Variants in ARHGEF18 observed in about 807,000 individuals in gnomAD.
ARHGEF18 encodes rho guanine nucleotide exchange factor 18.
Under a neutral mutation model 155.7 loss-of-function variants are expected in ARHGEF18, and 93 were observed. The observed-to-expected ratio is 0.60, with a 90% CI of 0.50 to 0.71. The LOEUF (loss-of-function observed/expected upper bound fraction) is 0.71. Ranked by LOEUF, ARHGEF18 falls within the 30% of genes least tolerant of loss-of-function variation. The probability of loss-of-function intolerance (pLI) is 0.00; values close to 1 mark genes in which losing one functional copy is unlikely to be tolerated. For synonymous variants in ARHGEF18, 742 were observed against 753.1 expected (o/e 0.99, Z 0.24); for missense variants, 1,593 against 1,816.1 (o/e 0.88, Z 2.23).
In ARHGEF18 at chr19:7,470,618, G is replaced by A. The variant is rs956763743; in HGVS notation, c.*320G>A. ...TAGCACCCCATCCGGGTGGCGGGGA[G>A]ATCAACTCCGAGCTGTTTTTCCGAG... is the stretch of plus-strand genomic sequence containing the variant. On this transcript the variant is annotated 3_prime_UTR_variant, in exon 29 of 29. Coordinates refer to ENST00000668164, the MANE Select transcript of ARHGEF18 (RefSeq NM_001367823.1). This position sits in a 1 kb window ranked among gnomAD's most constrained non-coding sequence, Gnocchi z 5.9. The A allele has an allele frequency of 2.5e-6, 1 of 397,466 alleles. No individual in the cohort carries two copies. The highest frequency in any genetic ancestry group is 4.4e-6 in the Non-Finnish European group (1 of 225,874). 24.6% of individuals were successfully genotyped at this position (397,466 alleles called of 1,614,324 possible).
At chr19:7,458,986 T>C (rs1976023460) in intron 19 of ARHGEF18, among the ~76,000 whole-genome samples, 1 of 152,184 alleles carries the variant, frequency 6.6e-6, no homozygotes, top group Non-Finnish European at 1.5e-5. Flanking sequence ...CATCTTGTCC[T>C]TCCTCCTTGG....
In ARHGEF18 at chr19:7,462,723, C is replaced by T. The variant is rs28391013; in HGVS notation, c.2635+389C>T. On this transcript the variant is annotated intron_variant, in intron 21 of 28. Coordinates refer to ENST00000668164, the MANE Select transcript of ARHGEF18 (RefSeq NM_001367823.1). This position sits in a 1 kb window ranked among gnomAD's most constrained non-coding sequence, Gnocchi z 4.4. ...CTGGTGATATCCCCAGAAAAACACA[C>T]GCACACTCCCTCAGTGGGTCCCCAC... Among the ~76,000 whole-genome samples, 2,805 of 152,134 alleles carry T rather than the reference C, an allele frequency of 0.018. 70 individuals carry two copies. Among genetic ancestry groups the T allele is most frequent in the African/African-American group, 0.063 (2,591 of 41,428 alleles).
intron 16 of ARHGEF18, 102 bp from the exon 17 acceptor site, chr19:7,453,365 T>TCCAC: frequency 7.4e-7 from 1 of 1,355,074 alleles, no homozygotes; most frequent in Non-Finnish European, 9.6e-7. Context: ...ACATAGTGTG[T>TCCAC]CCACACACCT....
intron 10 of ARHGEF18, among the ~76,000 whole-genome samples, chr19:7,399,773 CT>C (rs776187441): frequency 2.1e-3 from 288 of 136,008 alleles, no homozygotes; most frequent in Admixed American, 2.5e-3. Flanking sequence ...GCCACCACGC[CT>C]TTTTTTTTTT....
chr19:7,458,801 C>A, intron 19 of ARHGEF18, 111 bp downstream of exon 19: 1 of 1,261,746 alleles, frequency 7.9e-7, no homozygotes, highest in Non-Finnish European at 1.1e-6. Flanking sequence ...CTCATCCCAG[C>A]TTGGGACCCA....
intron 2 of ARHGEF18, among the ~76,000 whole-genome samples, chr19:7,365,100 G>A (rs1969826114): frequency 6.6e-6 from 1 of 152,110 alleles, no homozygotes; most frequent in Non-Finnish European, 1.5e-5. Context: ...GTCATTTTAT[G>A]GAAGAGGACA....
At chr19:7,396,465 C>T (rs1330015451) in intron 10 of ARHGEF18, among the ~76,000 whole-genome samples, 1 of 152,126 alleles carries the variant, frequency 6.6e-6, no homozygotes, top group Non-Finnish European at 1.5e-5. Flanking sequence ...AGCCTGTAAT[C>T]CCAGCACTTT....
In ARHGEF18 at chr19:7,458,762, G is replaced by A. The variant is rs529286162; in HGVS notation, c.2360+72G>A. On this transcript the variant is annotated intron_variant, in intron 19 of 28. Transcript: ENST00000668164. ...GATTGGTCCACCCTTGGCTTCGACC[G>A]TTGGCCATCAGCTGTGACCTTGAAC... 1.7e-5 allele frequency: 25 copies of A among 1,491,758 alleles called. No homozygotes were observed. In the East Asian group the frequency reaches 2.2e-4, roughly 13 times the overall value. 92.4% of individuals were successfully genotyped at this position (1,491,758 alleles called of 1,614,324 possible).
chr19:7,445,299 T>C (rs1278370351), intron 14 of ARHGEF18, among the ~76,000 whole-genome samples: 2 of 152,036 alleles, frequency 1.3e-5, no homozygotes, highest in Admixed American at 1.3e-4. Context: ...TGAAAATAAA[T>C]TAGCCAGCTG....
chr19:7,355,733 C>T, intron 1 of ARHGEF18: 1 of 985,056 alleles, frequency 1.0e-6, no homozygotes. Context: ...CAGCGGGAGC[C>T]ATCCACCCAG....
At chr19:7,386,949 TC>T (rs1307599566) in intron 10 of ARHGEF18, among the ~76,000 whole-genome samples, 2 of 152,026 alleles carry the variant, frequency 1.3e-5, no homozygotes, top group African/African-American at 4.8e-5. Flanking sequence ...CGGGACAGCG[TC>T]CAGCACCTCC....
chr19:7,439,519 G>A (rs892650287), intron 10 of ARHGEF18, among the ~76,000 whole-genome samples: 80 of 152,092 alleles, frequency 5.3e-4, no homozygotes, highest in African/African-American at 1.6e-3. Context: ...GCGGGCACAC[G>A]TATCCTATGA....
rs1377309406 is a variant in ARHGEF18, at chr19:7,444,415, T to A, written c.1572T>A (p.Asn524Lys). ...QESLEEGSDR[N>K]YVIQKIGDLL... The stretch of plus-strand genomic sequence containing the variant: ...CCCTGGAGGAGGGCAGTGACCGGAA[T>A]TATGTCATCCAGAAAATCGGCGACC... The change falls in exon 14 of 29, where the codon AAT (asparagine) becomes AAA (lysine). Residue 524 changes from asparagine (N) to lysine (K), a missense_variant. Asn to Lys is a moderately conservative substitution (Grantham distance 94, BLOSUM62 0). Coordinates refer to ENST00000668164, the MANE Select transcript of ARHGEF18 (RefSeq NM_001367823.1). The surrounding 1 kb of genome is among the most constrained non-coding windows in gnomAD (Gnocchi z 4.7). The A allele has an allele frequency of 6.2e-7, 1 of 1,613,566 alleles. No individual in the cohort carries two copies. The highest frequency in any genetic ancestry group is 8.5e-7 in the Non-Finnish European group (1 of 1,180,010).
chr19:7,389,387 T>C (rs1299306976), intron 10 of ARHGEF18, among the ~76,000 whole-genome samples: 4 of 148,672 alleles, frequency 2.7e-5, no homozygotes, highest in African/African-American at 5.0e-5. Context: ...CTTGAACTCC[T>C]GGGCTCAAGC....
Position 7,463,948 on chromosome 19 carries a change from C to T in ARHGEF18, c.2766C>T (p.Pro922=). 1 of 1,589,306 alleles carries T rather than the reference C, an allele frequency of 6.3e-7. No individual in the cohort carries two copies. The highest frequency in any genetic ancestry group is 8.6e-7 in the Non-Finnish European group (1 of 1,168,222). ...TFAGYDCTNS[P]TKNGSFKKKV... ...CGGGCTACGACTGCACAAACAGCCC[C>T]ACCAAGAGTAAGAGCGGGGCCGTCT... Residue 922 remains proline, a synonymous_variant, in exon 22 of 29, where the codon CCC becomes CCT. Transcript: ENST00000668164. This position sits in a 1 kb window ranked among gnomAD's most constrained non-coding sequence, Gnocchi z 5.2.
intron 3 of ARHGEF18, among the ~76,000 whole-genome samples, chr19:7,373,353 A>G (rs911065453): frequency 3.3e-5 from 5 of 152,196 alleles, no homozygotes; most frequent in Non-Finnish European, 7.3e-5. Flanking sequence ...ATCATCATGT[A>G]GAATCAGTGG....
chr19:7,393,203 G>A (rs764922416), intron 10 of ARHGEF18, among the ~76,000 whole-genome samples: 6 of 151,992 alleles, frequency 3.9e-5, no homozygotes, highest in Admixed American at 2.0e-4. Flanking sequence ...GGTGAATTAC[G>A]TCTTGCATTT....
In ARHGEF18 at chr19:7,375,747, T is replaced by C. The variant is rs1600225391; in HGVS notation, c.303T>C (p.Asp101=). The change falls in exon 4 of 29, where the codon GAT becomes GAC. Residue 101 remains aspartate (D), a synonymous_variant. Coordinates refer to ENST00000668164, the MANE Select transcript of ARHGEF18 (RefSeq NM_001367823.1). ...TCAGCCTCGATGCCTCAGCTGTGGATGAGGAACCCTGTCTCCCCCGAACAC... is the reference window on the plus strand; with the variant it reads ...TCAGCCTCGATGCCTCAGCTGTGGACGAGGAACCCTGTCTCCCCCGAACAC... ...RRLSLDASAV[D]EEPCLPRTLA... 5 of 1,234,402 alleles carry C rather than the reference T, an allele frequency of 4.1e-6. No homozygotes were observed. In the East Asian group the frequency reaches 1.6e-4, roughly 39 times the overall value. The allele number at this position is 1,234,402 out of a possible 1,614,324, so 76.5% of individuals were successfully genotyped here. A position where few individuals can be genotyped will look rare whatever the true frequency, so the allele number is the denominator to read the frequency against.
intron 1 of ARHGEF18, among the ~76,000 whole-genome samples, chr19:7,356,812 A>C (rs2145319102): frequency 1.3e-5 from 2 of 152,326 alleles, no homozygotes; most frequent in Middle Eastern, 6.8e-3. Context: ...CATCACCTGC[A>C]TGAGCCACGT....
Sources: gnomAD v4.1 joint callset for allele counts (sites outside exome capture counted in the v4.1 genomes callset) on GRCh38, gnomAD v4.1.1 for gene constraint, Gnocchi (gnomAD v3.1) non-coding constraint, MANE v1.5 for transcripts, NCBI Gene and HGNC (gene_info 2026-07-23, HGNC 2026-07-21) for gene names.